Variants in C9orf152 observed in about 807,000 individuals in gnomAD.
The protein encoded by C9orf152 is chromosome 9 open reading frame 152.
Under a neutral mutation model 8.5 loss-of-function variants are expected in C9orf152, and 8 were observed. The observed-to-expected ratio is 0.94, with a 90% CI of 0.55 to 1.70. The LOEUF (loss-of-function observed/expected upper bound fraction) is 1.70, where lower values mean the gene tolerates loss of function less well. Among genes scored for constraint, C9orf152 ranks in the 40% most tolerant of loss-of-function variants. C9orf152 has a pLI of 0.00. For synonymous variants in C9orf152, 109 were observed against 113.0 expected, an observed-to-expected ratio of 0.96 and a Z score of 0.22; for missense variants, 293 against 286.2, an observed-to-expected ratio of 1.02 and a Z score of -0.17.
chr9:110,201,818 G>A lies in C9orf152; in HGVS notation c.194-344C>T, dbSNP rs1587904716. Among the ~76,000 whole-genome samples, 2 of 152,282 alleles carry A rather than the reference G, an allele frequency of 1.3e-5. 1 individual carries two copies. The highest frequency in any genetic ancestry group is 4.1e-4 in the South Asian group (2 of 4,820). ...ACCTTCCGGGGTGTGTCCTGGTTGAGTAGAGACAAAATTGCATATTTATAA... is the reference window on the plus strand; with the variant it reads ...ACCTTCCGGGGTGTGTCCTGGTTGAATAGAGACAAAATTGCATATTTATAA... On this transcript the variant is annotated intron_variant, in intron 1 of 1. Transcript: ENST00000400613.
At chr9:110,204,094 C>T (rs1837249632) in intron 1 of C9orf152, among the ~76,000 whole-genome samples, 1 of 152,192 alleles carries the variant, frequency 6.6e-6, no homozygotes, top group Non-Finnish European at 1.5e-5. Flanking sequence ...CAGGAATGTT[C>T]AATGAAATGT....
chr9:110,207,906 C>A lies in C9orf152; in HGVS notation c.-327G>T. 4.3e-5 allele frequency: 10 copies of A among 231,884 alleles called. No homozygotes were observed. The highest frequency in any genetic ancestry group is 6.5e-5 in the Non-Finnish European group (8 of 122,456). 14.4% of individuals were successfully genotyped at this position (231,884 alleles called of 1,614,324 possible). ...TAGTGACAAGCGGGGATTAATGGGGCGAGAGAAGAAAGAGAGGGAGGAAGA... is the reference window on the plus strand; with the variant it reads ...TAGTGACAAGCGGGGATTAATGGGGAGAGAGAAGAAAGAGAGGGAGGAAGA... On this transcript the variant is annotated 5_prime_UTR_variant, in exon 1 of 2. Coordinates refer to ENST00000400613, the MANE Select transcript of C9orf152 (RefSeq NM_001012993.3).
At chr9:110,206,606 T>C (rs1438124081) in intron 1 of C9orf152, among the ~76,000 whole-genome samples, 1 of 152,220 alleles carries the variant, frequency 6.6e-6, no homozygotes, top group Admixed American at 6.5e-5. Context: ...GCACACTTCC[T>C]GCCCTAGACA....
chr9:110,208,003 G>A lies in C9orf152; in HGVS notation c.-424C>T, dbSNP rs4978891. ...AGACCGAGAAGTAAGGGGAGGACTG[G>A]GGGAGCAAAGAGAAAGGCAAGCCCA... On this transcript the variant is annotated 5_prime_UTR_variant, in exon 1 of 2. Coordinates refer to ENST00000400613, the MANE Select transcript of C9orf152 (RefSeq NM_001012993.3). 25,121 of 179,608 alleles carry A rather than the reference G, an allele frequency of 0.14. 2,159 individuals carry two copies. Among genetic ancestry groups the A allele is most frequent in the African/African-American group, 0.24 (9,995 of 41,602 alleles). The allele number at this position is 179,608 out of a possible 1,614,324, so 11.1% of individuals were successfully genotyped here.
rs1837201624 is a variant in C9orf152, at chr9:110,200,469, C to T, written c.*479G>A. 6.5e-6 allele frequency: 1 copy of T among 153,580 alleles called. No individual in the cohort carries two copies. The allele number at this position is 153,580 out of a possible 1,614,324, so 9.5% of individuals were successfully genotyped here. ...TGAGATGGCCCCCCAGACATAGCCA[C>T]CAGAAAAAGCATCTGAATTCTCAGA... On this transcript the variant is annotated 3_prime_UTR_variant, in exon 2 of 2. Coordinates refer to ENST00000400613, the MANE Select transcript of C9orf152 (RefSeq NM_001012993.3).
At chr9:110,205,948 C>G (rs2118505033) in intron 1 of C9orf152, among the ~76,000 whole-genome samples, 1 of 152,022 alleles carries the variant, frequency 6.6e-6, no homozygotes, top group South Asian at 2.1e-4. Context: ...TCCAGCTACT[C>G]AGGAGGCTGA....
intron 1 of C9orf152, among the ~76,000 whole-genome samples, chr9:110,203,196 T>C (rs1352841524): frequency 3.9e-5 from 6 of 151,984 alleles, no homozygotes; most frequent in African/African-American, 9.7e-5. Flanking sequence ...TACTTTTTTT[T>C]GTATTTTTAG....
At chr9:110,207,366 C>G in intron 1 of C9orf152, 21 bp downstream of exon 1, 1 of 1,606,898 alleles carries the variant, frequency 6.2e-7, no homozygotes, top group Non-Finnish European at 8.5e-7. Context: ...CTCTCCTTCC[C>G]CAGCACCTGT....
chr9:110,202,433 G>A (rs1163193712), intron 1 of C9orf152, among the ~76,000 whole-genome samples: 1 of 152,142 alleles, frequency 6.6e-6, no homozygotes, highest in African/African-American at 2.4e-5. Flanking sequence ...GAAGAGGGAG[G>A]AGTTGTGTTT....
intron 1 of C9orf152, among the ~76,000 whole-genome samples, chr9:110,204,994 G>T (rs1837258381): frequency 1.3e-5 from 2 of 152,110 alleles, no homozygotes; most frequent in African/African-American, 4.8e-5. Flanking sequence ...AATTTTGACT[G>T]CTCTCTCCAT....
Position 110,201,335 on chromosome 9 carries a change from C to G in C9orf152, c.333G>C (p.Gln111His). Residue 111 changes from glutamine (Q) to histidine (H), a missense_variant, in exon 2 of 2, where the codon CAG becomes CAC. Transcript: ENST00000400613. ...RLEEAAQGCL[Q>H]APKSPWHTHL... ...GCGTGTGCCATGGAGACTTGGGGGC[C>G]TGAAGGCAGCCCTGGGCAGCCTCCT... 3 of 1,612,184 alleles carry G rather than the reference C, an allele frequency of 1.9e-6. No individual in the cohort carries two copies. In the South Asian group the frequency reaches 3.3e-5, roughly 18 times the overall value.
rs144736088 is a variant in C9orf152, at chr9:110,203,990, C to T, written c.194-2516G>A. Among the ~76,000 whole-genome samples, 759 of 152,244 alleles carry T rather than the reference C, an allele frequency of 5.0e-3. 3 individuals carry two copies. The highest frequency in any genetic ancestry group is 8.5e-3 in the Non-Finnish European group (581 of 68,024). On this transcript the variant is annotated intron_variant, in intron 1 of 1. Coordinates refer to ENST00000400613, the MANE Select transcript of C9orf152 (RefSeq NM_001012993.3). Reference sequence around the variant, plus strand: ...AGTCAGGAAGACATGAGGTCTGGTCCTGAGTTCACCACTGACTCACTAGGA... The same window carrying T: ...AGTCAGGAAGACATGAGGTCTGGTCTTGAGTTCACCACTGACTCACTAGGA...
chr9:110,205,690 CA>C (rs1296125218), intron 1 of C9orf152, among the ~76,000 whole-genome samples: 2 of 152,188 alleles, frequency 1.3e-5, no homozygotes, highest in African/African-American at 4.8e-5. Context: ...AGCTGGGACT[CA>C]AACTCAGGCT....
At chr9:110,202,456 C>T (rs4246877) in intron 1 of C9orf152, among the ~76,000 whole-genome samples, 139,954 of 152,240 alleles carry the variant, frequency 0.92, 64,480 homozygotes, top group East Asian at 1. Context: ...AAGCAGCTCC[C>T]TTTAGAGAAC....
intron 1 of C9orf152, among the ~76,000 whole-genome samples, chr9:110,205,831 A>C (rs1034226609): frequency 6.6e-6 from 1 of 152,110 alleles, no homozygotes; most frequent in Non-Finnish European, 1.5e-5. Context: ...AGGTGGGTGG[A>C]TCACCTGAGG....
Position 110,207,593 on chromosome 9 carries a change from A to G in C9orf152, c.-14T>C. 1.3e-6 allele frequency: 2 copies of G among 1,568,618 alleles called. No homozygotes were observed. Among genetic ancestry groups the G allele is most frequent in the Non-Finnish European group, 1.7e-6 (2 of 1,161,074 alleles). On this transcript the variant is annotated 5_prime_UTR_variant, in exon 1 of 2. Coordinates refer to ENST00000400613, the MANE Select transcript of C9orf152 (RefSeq NM_001012993.3). ...CAACCCCTCCATCCGGATCCGGGAG[A>G]AAAGCAAACACAGCTGGGTGGGGCA...
At position 110,201,065 on chromosome 9, in the gene C9orf152, A is replaced by G; in HGVS notation, c.603T>C (p.Pro201=). 1.2e-6 allele frequency: 2 copies of G among 1,614,230 alleles called. No homozygotes were observed. The highest frequency in any genetic ancestry group is 2.2e-5 in the East Asian group (1 of 44,886). Residue 201 remains proline, a synonymous_variant, in exon 2 of 2, where the codon CCT becomes CCC. Coordinates refer to ENST00000400613, the MANE Select transcript of C9orf152 (RefSeq NM_001012993.3). ...ESGLKFSTQC[P]LSIKNPHRSG... is the part of the protein sequence containing the mutation. ...ACCTGTGTGGGTTCTTTATGGAAAG[A>G]GGACATTGAGTGCTGAATTTTAAGC...
chr9:110,207,179 G>A (rs1837282241), intron 1 of C9orf152, among the ~76,000 whole-genome samples: 1 of 152,214 alleles, frequency 6.6e-6, no homozygotes, highest in Non-Finnish European at 1.5e-5. Flanking sequence ...CAGAGGCCAG[G>A]AACAGTGCTG....
At chr9:110,201,566 GCCATCC>G (rs1403984699) in intron 1 of C9orf152, 92 bp from the exon 2 acceptor site, 1 of 1,020,302 alleles carries the variant, frequency 9.8e-7, no homozygotes, top group African/African-American at 1.6e-5. Context: ...CTGAAGGAAG[GCCATCC>G]CCAGAAGGTT....
Sources: gnomAD v4.1 joint callset for allele counts (sites outside exome capture counted in the v4.1 genomes callset) on GRCh38, gnomAD v4.1.1 for gene constraint, MANE v1.5 for transcripts, NCBI Gene and HGNC (gene_info 2026-07-23, HGNC 2026-07-21) for gene names.